The following MIPEP variants were observed in gnomAD, a reference collection of about 807,000 sequenced individuals.
MIPEP encodes the protein mitochondrial intermediate peptidase.
In MIPEP, 79 loss-of-function variants were observed where a neutral mutation model predicts 90.3. The observed-to-expected ratio is 0.87, with a 90% CI of 0.73 to 1.05. The LOEUF is 1.05. MIPEP is among the 50% of genes least tolerant of loss of function. MIPEP has a pLI of 0.00. For synonymous variants in MIPEP, 334 were observed against 315.8 expected (o/e 1.06, Z -0.61); for missense variants, 940 against 905.6 (o/e 1.04, Z -0.49).
At chr13:23,786,956 C>T (rs1458960403) in intron 16 of MIPEP, among the ~76,000 whole-genome samples, 3 of 152,064 alleles carry the variant, frequency 2.0e-5, no homozygotes, top group Admixed American at 6.6e-5. Flanking sequence ...GGGTCTGGGG[C>T]AAGATTTCAG....
chr13:23,773,578 C>A (rs1055433636), intron 16 of MIPEP, among the ~76,000 whole-genome samples: 1 of 152,170 alleles, frequency 6.6e-6, no homozygotes, highest in Admixed American at 6.5e-5. Context: ...TACATTCTCA[C>A]CAGCAACGTA....
chr13:23,790,353 C>T (rs1565994883), intron 16 of MIPEP, among the ~76,000 whole-genome samples: 1 of 152,200 alleles, frequency 6.6e-6, no homozygotes, highest in Non-Finnish European at 1.5e-5. Context: ...CAGCAATGCC[C>T]CCAAAGCTAA....
intron 16 of MIPEP, among the ~76,000 whole-genome samples, chr13:23,804,129 T>C (rs1035217018): frequency 1.3e-5 from 2 of 152,216 alleles, no homozygotes; most frequent in Non-Finnish European, 2.9e-5. Context: ...TAATACTTCA[T>C]ATTTGTATGT....
intron 16 of MIPEP, among the ~76,000 whole-genome samples, chr13:23,778,483 C>G (rs1030109864): frequency 2.6e-5 from 4 of 152,052 alleles, no homozygotes; most frequent in Non-Finnish European, 5.9e-5. Context: ...ATCATGGGGA[C>G]CCCTGGTGGC....
chr13:23,815,317 A>AT (rs869217329), intron 14 of MIPEP, among the ~76,000 whole-genome samples: 1,351 of 10,142 alleles, frequency 0.13, 18 homozygotes, highest in African/African-American at 0.18. Context: ...TAGTTTCCTG[A>AT]TTTTTTGTTT....
intron 14 of MIPEP, among the ~76,000 whole-genome samples, chr13:23,817,865 A>G (rs752410449): frequency 1.3e-5 from 2 of 152,214 alleles, no homozygotes; most frequent in Non-Finnish European, 2.9e-5. Context: ...TACTGAATGA[A>G]CACTTAATAA....
At chr13:23,783,706 T>C (rs570312991) in intron 16 of MIPEP, among the ~76,000 whole-genome samples, 1 of 152,310 alleles carries the variant, frequency 6.6e-6, no homozygotes, top group East Asian at 1.9e-4. Flanking sequence ...AAAACCCCAT[T>C]GTCTTAGTCC....
rs185074423 is a variant in MIPEP, at chr13:23,795,869, G to A, written c.1848+10081C>T. Among the ~76,000 whole-genome samples, 119 of 148,880 alleles carry A rather than the reference G, an allele frequency of 8.0e-4. 1 individual carries two copies. The highest frequency in any genetic ancestry group is 3.6e-3 in the Middle Eastern group (1 of 280). ...CTGGGAGTGGGGTGTGGTGATGAGCGCCTGTAGTCCTAGCTACCTGGGAAA... is the reference window on the plus strand; with the variant it reads ...CTGGGAGTGGGGTGTGGTGATGAGCACCTGTAGTCCTAGCTACCTGGGAAA... On this transcript the variant is annotated intron_variant, in intron 16 of 18. Transcript: ENST00000382172.
chr13:23,881,284 T>C (rs1228661941), intron 3 of MIPEP, among the ~76,000 whole-genome samples: 2 of 152,192 alleles, frequency 1.3e-5, no homozygotes, highest in African/African-American at 4.8e-5. Flanking sequence ...AATCAAGCGA[T>C]AATCTAGTAA....
chr13:23,790,799 T>C (rs1952890415), intron 16 of MIPEP, among the ~76,000 whole-genome samples: 1 of 152,132 alleles, frequency 6.6e-6, no homozygotes, highest in African/African-American at 2.4e-5. Context: ...TTTGCTATAT[T>C]AAGCCACCAA....
At chr13:23,762,761 C>T (rs1952561202) in intron 16 of MIPEP, among the ~76,000 whole-genome samples, 1 of 152,186 alleles carries the variant, frequency 6.6e-6, no homozygotes, top group Admixed American at 6.5e-5. Context: ...GCAACTAGAC[C>T]TGTATCCCTA....
chr13:23,858,165 T>C (rs2137495207), intron 10 of MIPEP, among the ~76,000 whole-genome samples: 1 of 152,202 alleles, frequency 6.6e-6, no homozygotes, highest in East Asian at 1.9e-4. Context: ...GCTTCAGCTA[T>C]AAACATTTTA....
chr13:23,797,043 G>A (rs948370526), intron 16 of MIPEP, among the ~76,000 whole-genome samples: 1 of 152,182 alleles, frequency 6.6e-6, no homozygotes, highest in Non-Finnish European at 1.5e-5. Flanking sequence ...TTATATTGTT[G>A]TGATTATAGC....
At chr13:23,860,703 G>A (rs1454316533) in intron 9 of MIPEP, among the ~76,000 whole-genome samples, 2 of 152,130 alleles carry the variant, frequency 1.3e-5, no homozygotes, top group Non-Finnish European at 2.9e-5. Context: ...GTTCAAATAA[G>A]TGTTGACAAC....
chr13:23,751,619 T>C (rs1290650555), intron 18 of MIPEP, among the ~76,000 whole-genome samples: 1 of 152,222 alleles, frequency 6.6e-6, no homozygotes, highest in African/African-American at 2.4e-5. Context: ...AATGCTAAAA[T>C]CTTGGACTTT....
At chr13:23,863,399 A>G (rs897356591) in intron 8 of MIPEP, among the ~76,000 whole-genome samples, 2 of 152,216 alleles carry the variant, frequency 1.3e-5, no homozygotes, top group South Asian at 4.1e-4. Flanking sequence ...ATGATGGTAC[A>G]AGTGGAAAAT....
intron 18 of MIPEP, among the ~76,000 whole-genome samples, chr13:23,752,398 T>C (rs1952451315): frequency 6.6e-6 from 1 of 152,234 alleles, no homozygotes; most frequent in African/African-American, 2.4e-5. Context: ...AAAGTATTAC[T>C]TCCTTGCTAT....
chr13:23,882,710 A>G (rs1871318565), intron 2 of MIPEP, among the ~76,000 whole-genome samples: 1 of 152,224 alleles, frequency 6.6e-6, no homozygotes, highest in East Asian at 1.9e-4. Context: ...AATCACCACA[A>G]GATAAAATTT....
intron 14 of MIPEP, among the ~76,000 whole-genome samples, chr13:23,825,583 C>CA (rs1289454538): frequency 6.6e-6 from 1 of 152,158 alleles, no homozygotes; most frequent in Non-Finnish European, 1.5e-5. Context: ...TTAGGCGATA[C>CA]ATATTGAGGA....
Sources: allele counts gnomAD v4.1 joint callset (sites outside exome capture counted in the v4.1 genomes callset), GRCh38; gene constraint gnomAD v4.1.1; transcripts MANE v1.5; gene names NCBI Gene and HGNC (gene_info 2026-07-23, HGNC 2026-07-21).